Variants in TANC2 observed in about 807,000 individuals in gnomAD.
The protein encoded by TANC2 is tetratricopeptide repeat, ankyrin repeat and coiled-coil containing 2, also known as protein TANC2.
In TANC2, 26 loss-of-function variants were observed where a neutral mutation model predicts 210.5. That is an observed-to-expected ratio of 0.12 (90% CI 0.09 to 0.17). The LOEUF (loss-of-function observed/expected upper bound fraction) is 0.17. Ranked by LOEUF, TANC2 falls within the 10% of genes least tolerant of loss-of-function variation. TANC2 has a pLI of 1.00. For missense variants in TANC2, 2,129 were observed against 2,608.9 expected (o/e 0.82, Z 4.01); for synonymous variants, 931 against 967.1 (o/e 0.96, Z 0.69).
At position 63,146,220 on chromosome 17, in the gene TANC2, G is replaced by C. The variant is rs186987732; in HGVS notation, c.323-5050G>C. Among the ~76,000 whole-genome samples, 423 of 152,016 alleles carry C rather than the reference G, an allele frequency of 2.8e-3. 6 individuals carry two copies. The highest frequency in any genetic ancestry group is 0.024 in the Admixed American group (369 of 15,278). On this transcript the variant is annotated intron_variant, in intron 4 of 27. Coordinates refer to ENST00000689528, the Ensembl canonical transcript of TANC2. ...TTTTTTCTCAGATTGTTCATTGTTA[G>C]TGTATAGAAATACAACTAACTTGTG...
chr17:63,141,316 C>T (rs1015049230), intron 4 of TANC2, among the ~76,000 whole-genome samples: 8 of 126,600 alleles, frequency 6.3e-5, no homozygotes, highest in Non-Finnish European at 3.2e-5. Flanking sequence ...CCAGTGTTTG[C>T]GGATCACTTG....
chr17:63,078,055 C>T (rs889879472), intron 3 of TANC2, among the ~76,000 whole-genome samples: 1 of 152,108 alleles, frequency 6.6e-6, no homozygotes, highest in Non-Finnish European at 1.5e-5. Context: ...CAGTTTCCTC[C>T]TCTTCAGTTT....
chr17:63,418,191 T>C lies in TANC2; in HGVS notation c.4168-116T>C. On this transcript the variant is annotated intron_variant, in intron 26 of 27. Coordinates refer to ENST00000689528, the Ensembl canonical transcript of TANC2. The surrounding 1 kb of genome is among the most constrained non-coding windows in gnomAD (Gnocchi z 4.6). ...TGAGCCATGTCAGGCACGTCTAGCG[T>C]CCCAGGCGTTCCATCCATGAATGTC... 1 of 1,054,408 alleles carries C rather than the reference T, an allele frequency of 9.5e-7. No individual in the cohort carries two copies. The highest frequency in any genetic ancestry group is 1.4e-6 in the Non-Finnish European group (1 of 721,320). The allele number at this position is 1,054,408 out of a possible 1,614,324, so 65.3% of individuals were successfully genotyped here. A position where few individuals can be genotyped will look rare whatever the true frequency, so the allele number is the denominator to read the frequency against.
At chr17:63,089,765 A>G (rs767365203) in intron 3 of TANC2, among the ~76,000 whole-genome samples, 16 of 152,112 alleles carry the variant, frequency 1.1e-4, no homozygotes, top group Admixed American at 2.0e-4. Flanking sequence ...GAAATTATGC[A>G]TTGTTATTGT....
chr17:63,373,401 G>T (rs2047329443), intron 14 of TANC2, among the ~76,000 whole-genome samples: 1 of 152,068 alleles, frequency 6.6e-6, no homozygotes, highest in Non-Finnish European at 1.5e-5. Context: ...TGAGTATATT[G>T]TTCTTTACAG....
intron 1 of TANC2, among the ~76,000 whole-genome samples, chr17:62,981,631 G>A (rs1260945366): frequency 2.0e-5 from 3 of 152,048 alleles, no homozygotes; most frequent in Non-Finnish European, 4.4e-5. Context: ...TGACTACCTT[G>A]AATTAGGCCA....
chr17:63,416,323 C>T (rs2048860018), intron 26 of TANC2, among the ~76,000 whole-genome samples: 1 of 152,170 alleles, frequency 6.6e-6, no homozygotes, highest in Middle Eastern at 3.2e-3. Flanking sequence ...AACGTGAAGA[C>T]ACTCCAAGCC....
At chr17:63,254,414 C>G (rs2043133754) in intron 8 of TANC2, among the ~76,000 whole-genome samples, 1 of 152,138 alleles carries the variant, frequency 6.6e-6, no homozygotes, top group African/African-American at 2.4e-5. Flanking sequence ...ATCATATCAT[C>G]TGCAAACAAA....
intron 11 of TANC2, among the ~76,000 whole-genome samples, chr17:63,326,262 G>C (rs938353671): frequency 6.6e-6 from 1 of 152,206 alleles, no homozygotes; most frequent in African/African-American, 2.4e-5. Flanking sequence ...GATGAAGGCA[G>C]TATTTCAGAT....
intron 5 of TANC2, among the ~76,000 whole-genome samples, chr17:63,170,980 G>A (rs2040384354): frequency 6.6e-6 from 1 of 151,326 alleles, no homozygotes; most frequent in African/African-American, 2.4e-5. Context: ...TCCATTTGGT[G>A]TTACTCAATC....
intron 5 of TANC2, among the ~76,000 whole-genome samples, chr17:63,158,957 A>G (rs187327848): frequency 6.6e-6 from 1 of 152,246 alleles, no homozygotes; most frequent in Admixed American, 6.5e-5. Context: ...TCTATTCCTC[A>G]CTGGTTTTCA....
intron 2 of TANC2, among the ~76,000 whole-genome samples, chr17:63,052,407 A>G (rs1276795054): frequency 1.3e-5 from 2 of 152,194 alleles, no homozygotes; most frequent in African/African-American, 4.8e-5. Context: ...AGTCAAGTGG[A>G]GGGAGCTACA....
intron 7 of TANC2, among the ~76,000 whole-genome samples, chr17:63,213,207 G>A (rs1211157980): frequency 3.5e-4 from 54 of 152,210 alleles, no homozygotes; most frequent in Non-Finnish European, 1.0e-4. Flanking sequence ...AAAGGGCTAT[G>A]TTTCTGGCAT....
intron 8 of TANC2, among the ~76,000 whole-genome samples, chr17:63,264,359 T>C (rs536266188): frequency 2.0e-5 from 3 of 152,296 alleles, no homozygotes; most frequent in East Asian, 3.9e-4. Flanking sequence ...TAGGAAAGGC[T>C]GAAGAACTGG....
intron 5 of TANC2, among the ~76,000 whole-genome samples, chr17:63,165,062 G>T (rs891825455): frequency 6.6e-6 from 1 of 151,986 alleles, no homozygotes; most frequent in South Asian, 2.1e-4. Flanking sequence ...TGGGAGAATC[G>T]CTTAAGGCCT....
intron 1 of TANC2, among the ~76,000 whole-genome samples, chr17:62,990,127 A>G (rs548333273): frequency 1.2e-4 from 18 of 152,174 alleles, no homozygotes; most frequent in Admixed American, 3.9e-4. Flanking sequence ...CTAATAAAGG[A>G]TGGTTGAGCA....
chr17:63,052,031 G>A (rs753466005), intron 2 of TANC2, among the ~76,000 whole-genome samples: 3 of 152,144 alleles, frequency 2.0e-5, no homozygotes, highest in Non-Finnish European at 2.9e-5. Flanking sequence ...TATGAATAAC[G>A]TGCTGAAGAA....
At chr17:62,997,234 C>A (rs1444379288) in intron 1 of TANC2, among the ~76,000 whole-genome samples, 2 of 151,362 alleles carry the variant, frequency 1.3e-5, no homozygotes, top group East Asian at 3.9e-4. Context: ...CTTGTGGTCT[C>A]AAGCAGTTCT....
chr17:63,157,848 C>T (rs949796234), intron 5 of TANC2, among the ~76,000 whole-genome samples: 3 of 152,094 alleles, frequency 2.0e-5, no homozygotes, highest in African/African-American at 4.8e-5. Context: ...CTCCAGGGCT[C>T]GAGCAATCCT....
Sources: gnomAD v4.1 joint callset for allele counts (sites outside exome capture counted in the v4.1 genomes callset) on GRCh38, gnomAD v4.1.1 for gene constraint, Gnocchi (gnomAD v3.1) non-coding constraint, MANE v1.5 for transcripts, NCBI Gene and HGNC (gene_info 2026-07-23, HGNC 2026-07-21) for gene names.